The following TTC34 variants were observed in gnomAD, a reference collection of about 807,000 sequenced individuals.
TTC34 encodes the protein tetratricopeptide repeat protein 34.
In TTC34, 44 loss-of-function variants were observed where a neutral mutation model predicts 40.7. The ratio of observed to expected loss-of-function variants is 1.08; its 90% CI spans 0.85 to 1.39. The LOEUF (loss-of-function observed/expected upper bound fraction) is 1.39, where lower values mean the gene tolerates loss of function less well. Ranked by LOEUF, TTC34 falls within the 40% of genes most tolerant of loss-of-function variation. The probability of loss-of-function intolerance (pLI) is 0.00; values close to 1 mark genes in which losing one functional copy is unlikely to be tolerated. For missense variants in TTC34, 884 were observed against 838.0 expected (o/e 1.05, Z -0.68); for synonymous variants, 422 against 398.6 (o/e 1.06, Z -0.70).
At chr1:2,792,033 T>TTTTTTTTTAA (rs1553171534) in intron 2 of TTC34, among the ~76,000 whole-genome samples, 2 of 107,104 alleles carry the variant, frequency 1.9e-5, no homozygotes, top group African/African-American at 4.0e-5. Context: ...TTTTTTTTTT[T>TTTTTTTTTAA]AAAGACAGGG....
At chr1:2,691,551 G>T (rs1374261228) in intron 6 of TTC34, among the ~76,000 whole-genome samples, 1 of 136,304 alleles carries the variant, frequency 7.3e-6, no homozygotes, top group Non-Finnish European at 1.7e-5. Context: ...ACCCCCAGGT[G>T]AGCATCTGAC....
chr1:2,652,518 CCCACA>C (rs1639181353), intron 6 of TTC34, among the ~76,000 whole-genome samples: 9 of 104,084 alleles, frequency 8.6e-5, no homozygotes, highest in South Asian at 3.6e-4. Context: ...TGCAACAGCA[CCCACA>C]CCTCCAGGCG....
intron 6 of TTC34, among the ~76,000 whole-genome samples, chr1:2,772,762 C>G (rs544283389): frequency 7.2e-4 from 35 of 48,322 alleles, no homozygotes; most frequent in African/African-American, 2.2e-3. Flanking sequence ...CAGTCTGGAA[C>G]AGCACTCCAC....
chr1:2,755,585 C>G (rs1447214827), intron 6 of TTC34, among the ~76,000 whole-genome samples: 1 of 118,414 alleles, frequency 8.4e-6, no homozygotes, highest in Middle Eastern at 4.0e-3. Context: ...ACCCACACCT[C>G]CCGGCGAGCA....
At chr1:2,756,662 C>CTGCAGCCCGA (rs1641516199) in intron 6 of TTC34, among the ~76,000 whole-genome samples, 4 of 116,942 alleles carry the variant, frequency 3.4e-5, no homozygotes, top group Admixed American at 8.8e-5. Context: ...GAACAGCACC[C>CTGCAGCCCGA]ACACCCCCAG....
At chr1:2,758,221 A>AACAGCACAC (rs1641570539) in intron 6 of TTC34, among the ~76,000 whole-genome samples, 66 of 134,632 alleles carry the variant, frequency 4.9e-4, no homozygotes, top group Non-Finnish European at 9.3e-4. Flanking sequence ...GACACCCTGG[A>AACAGCACAC]ACAGCACACA....
chr1:2,768,623 C>A (rs930904068), intron 6 of TTC34, among the ~76,000 whole-genome samples: 1 of 151,972 alleles, frequency 6.6e-6, no homozygotes, highest in Admixed American at 6.6e-5. Context: ...ACCCCACATG[C>A]AGGTGAGCAT....
At chr1:2,698,922 T>TCTGACAGCGTGGAACAGCAC (rs1640995542) in intron 6 of TTC34, among the ~76,000 whole-genome samples, 1 of 56,888 alleles carries the variant, frequency 1.8e-5, no homozygotes, top group Non-Finnish European at 3.6e-5. Context: ...TGGAGTAGTA[T>TCTGACAGCGTGGAACAGCAC]CCTGCACCCT....
exon 1 of TTC34, chr1:2,801,631 T>A (rs1018267498): frequency 6.6e-6 from 1 of 151,988 alleles, no homozygotes; most frequent in South Asian, 2.1e-4. Context: ...CCAGATTCCC[T>A]CGTGGGTGGT....
At chr1:2,801,263 GCA>G (rs972805791) in intron 1 of TTC34, among the ~76,000 whole-genome samples, 4 of 151,932 alleles carry the variant, frequency 2.6e-5, no homozygotes, top group African/African-American at 9.7e-5. Context: ...CCTCAGGAAG[GCA>G]CACCCCCCGT....
At chr1:2,780,324 C>T in intron 6 of TTC34, among the ~76,000 whole-genome samples, 1 of 152,090 alleles carries the variant, frequency 6.6e-6, no homozygotes, top group East Asian at 1.9e-4. Context: ...TTTTCTTTTG[C>T]TGCCTGTGCC....
At chr1:2,695,111 TACGCCAAG>T (rs1640801942) in intron 6 of TTC34, among the ~76,000 whole-genome samples, 16 of 72,476 alleles carry the variant, frequency 2.2e-4, no homozygotes, top group East Asian at 5.6e-4. Flanking sequence ...ACAGCACCCA[TACGCCAAG>T]ATGAGCATCT....
intron 4 of TTC34, 119 bp from the exon 5 acceptor site, chr1:2,786,142 G>T: frequency 1.1e-6 from 1 of 946,058 alleles, no homozygotes. Context: ...TCCACCTGGT[G>T]CCAACGCTCC....
At chr1:2,687,040 A>C in intron 6 of TTC34, among the ~76,000 whole-genome samples, 1 of 139,266 alleles carries the variant, frequency 7.2e-6, no homozygotes. Context: ...AGCAGCACCC[A>C]CAACCCCAGG....
rs200708314 is a variant in TTC34 at position 2,691,045 on chromosome 1, C to T, written c.2227-45482G>A. Among the ~76,000 whole-genome samples the T allele has an allele frequency of 8.9e-5, 6 of 67,262 alleles. 1 individual carries two copies. The highest frequency in any genetic ancestry group is 2.9e-4 in the African/African-American group (6 of 21,018). 44.1% of individuals were successfully genotyped at this position (67,262 alleles called of 152,430 possible). ...CCAACAGGCGAGCATCTGACAGCCT[C>T]GGTCAGCACCCACAAACCCAGGTGA... On this transcript the variant is annotated intron_variant, in intron 6 of 8. Transcript: ENST00000401095.
At chr1:2,691,566 T>C (rs1640619018) in intron 6 of TTC34, among the ~76,000 whole-genome samples, 1 of 132,662 alleles carries the variant, frequency 7.5e-6, no homozygotes, top group Non-Finnish European at 1.7e-5. Flanking sequence ...TCTGACAGAC[T>C]GGAACAGCAC....
chr1:2,759,777 A>C (rs2100458334), intron 6 of TTC34, among the ~76,000 whole-genome samples: 1 of 135,606 alleles, frequency 7.4e-6, no homozygotes. Flanking sequence ...TGAGCATCTC[A>C]CAGCCTGCAA....
At position 2,683,703 on chromosome 1, in the gene TTC34, A is replaced by G. The variant is rs1234385839; in HGVS notation, c.2227-38140T>C. ...AGGTGACGATCTGACAGCCTGGAAC[A>G]GCACCCACACCCCCAGGTGAGCAGC... On this transcript the variant is annotated intron_variant, in intron 6 of 8. Transcript: ENST00000401095. Among the ~76,000 whole-genome samples, 2 of 148,046 alleles carry G rather than the reference A, an allele frequency of 1.4e-5. 1 individual carries two copies. Among genetic ancestry groups the G allele is most frequent in the African/African-American group, 5.2e-5 (2 of 38,746 alleles).
intron 1 of TTC34, among the ~76,000 whole-genome samples, chr1:2,801,341 C>T (rs1282776898): frequency 1.3e-5 from 2 of 152,042 alleles, no homozygotes; most frequent in East Asian, 3.9e-4. Context: ...ACACCTGGGC[C>T]ATTCGAGGGG....
Sources: allele counts gnomAD v4.1 joint callset (sites outside exome capture counted in the v4.1 genomes callset), GRCh38; gene constraint gnomAD v4.1.1; transcripts MANE v1.5; gene names NCBI Gene and HGNC (gene_info 2026-07-23, HGNC 2026-07-21).